Variants in PDE6H observed in about 807,000 individuals in gnomAD.
PDE6H encodes the protein phosphodiesterase 6H.
PDE6H carries 11 observed loss-of-function variants against 9.2 expected under a neutral mutation model. The ratio of observed to expected loss-of-function variants is 1.19; its 90% CI spans 0.75 to 1.97. PDE6H has a LOEUF of 1.97. Among genes scored for constraint, PDE6H ranks in the 30% most tolerant of loss-of-function variants. The pLI is 0.00. For synonymous variants in PDE6H, 36 were observed against 33.6 expected (o/e 1.07, Z -0.25); for missense variants, 98 against 101.5 (o/e 0.97, Z 0.15).
chr12:14,976,731 C>T (rs1315901459), intron 1 of PDE6H, among the ~76,000 whole-genome samples: 1 of 152,046 alleles, frequency 6.6e-6, no homozygotes, highest in Admixed American at 6.5e-5. Context: ...TAGCATAAAT[C>T]TGCAATGGGT....
At chr12:14,973,972 T>C (rs1339715191) in intron 1 of PDE6H, among the ~76,000 whole-genome samples, 2 of 152,202 alleles carry the variant, frequency 1.3e-5, no homozygotes, top group Non-Finnish European at 2.9e-5. Flanking sequence ...AATCTTTAAC[T>C]TTGTTAAGTT....
chr12:14,977,261 G>T (rs1376717064), intron 1 of PDE6H, among the ~76,000 whole-genome samples: 1 of 152,126 alleles, frequency 6.6e-6, no homozygotes, highest in Non-Finnish European at 1.5e-5. Flanking sequence ...TCATCTCCCA[G>T]AACTAAGAGA....
intron 1 of PDE6H, among the ~76,000 whole-genome samples, chr12:14,974,787 T>C (rs1864568098): frequency 6.6e-6 from 1 of 152,320 alleles, no homozygotes; most frequent in South Asian, 2.1e-4. Flanking sequence ...GCCCCTCTGG[T>C]GTATGGCAAG....
chr12:14,978,938 A>C (rs1331512372), intron 2 of PDE6H, among the ~76,000 whole-genome samples: 1 of 152,062 alleles, frequency 6.6e-6, no homozygotes, highest in African/African-American at 2.4e-5. Flanking sequence ...GTTCTTTCTG[A>C]CTCTTAATTG....
chr12:14,981,358 G>A, intron 3 of PDE6H, 42 bp from the exon 4 acceptor site: 1 of 1,206,970 alleles, frequency 8.3e-7, no homozygotes, highest in Non-Finnish European at 1.2e-6. Flanking sequence ...AAGCTCTCTT[G>A]GGGTGAGGTT....
chr12:14,975,463 C>A (rs2120819145), intron 1 of PDE6H, among the ~76,000 whole-genome samples: 1 of 151,858 alleles, frequency 6.6e-6, no homozygotes, highest in East Asian at 1.9e-4. Flanking sequence ...CCTTGAAAAT[C>A]CTGGGCAGTT....
chr12:14,975,903 C>T (rs1429591114), intron 1 of PDE6H, among the ~76,000 whole-genome samples: 2 of 148,638 alleles, frequency 1.3e-5, no homozygotes, highest in Non-Finnish European at 3.0e-5. Context: ...TCACTGCAAA[C>T]TCCACCTCCT....
chr12:14,980,472 A>G (rs1266454798), intron 3 of PDE6H, among the ~76,000 whole-genome samples: 1 of 152,204 alleles, frequency 6.6e-6, no homozygotes, highest in Admixed American at 6.5e-5. Flanking sequence ...TTTTCAACTC[A>G]TCCAACACAC....
chr12:14,975,810 TTG>T (rs1373616553), intron 1 of PDE6H, among the ~76,000 whole-genome samples: 2 of 128,968 alleles, frequency 1.6e-5, no homozygotes, highest in Non-Finnish European at 3.3e-5. Flanking sequence ...TCAATTTCTT[TTG>T]TTTTTTTTTT....
At chr12:14,977,840 C>T in intron 1 of PDE6H, 132 bp from the exon 2 acceptor site, 1 of 628,566 alleles carries the variant, frequency 1.6e-6, no homozygotes, top group African/African-American at 1.8e-5. Flanking sequence ...AACTTCTCCC[C>T]TTTTGTGTCA....
At chr12:14,978,242 A>T in intron 2 of PDE6H, 96 bp downstream of exon 2, 8 of 1,146,020 alleles carry the variant, frequency 7.0e-6, no homozygotes, top group Non-Finnish European at 1.0e-5. Context: ...TATTAAACAG[A>T]CTTACAAAAA....
At chr12:14,975,946 A>G (rs1283830804) in intron 1 of PDE6H, among the ~76,000 whole-genome samples, 1 of 150,154 alleles carries the variant, frequency 6.7e-6, no homozygotes, top group Non-Finnish European at 1.5e-5. Flanking sequence ...TCAGCCTCCC[A>G]AGTAGCTGGG....
rs1331116687 is a variant in PDE6H, at chr12:14,977,963, C to T, written c.-41-9C>T. ...AAGATCTTCTTTTTTTTATCTTTCACTGTCTAAGGAGGCTGAAAGGGAAAC... is the reference window on the plus strand; with the variant it reads ...AAGATCTTCTTTTTTTTATCTTTCATTGTCTAAGGAGGCTGAAAGGGAAAC... On this transcript the variant is annotated splice_polypyrimidine_tract_variant and intron_variant, in intron 1 of 3. Transcript: ENST00000266395. The T allele has an allele frequency of 6.3e-7, 1 of 1,578,596 alleles. No homozygotes were observed. Among genetic ancestry groups the T allele is most frequent in the Admixed American group, 1.7e-5 (1 of 58,306 alleles).
rs1350464839 is a variant in PDE6H at position 14,973,062 on chromosome 12, G to A, written c.-66G>A. ...CTTTTGCAAAGAAGGCAGCTGGGCA[G>A]CTGATAGGAACAACATTCAGCTCCG... On this transcript the variant is annotated 5_prime_UTR_variant, in exon 1 of 4. Transcript: ENST00000266395. The A allele has an allele frequency of 6.6e-6, 1 of 152,206 alleles. No homozygotes were observed. Among genetic ancestry groups the A allele is most frequent in the Non-Finnish European group, 1.5e-5 (1 of 68,052 alleles). The allele number at this position is 152,206 out of a possible 1,614,324, so 9.4% of individuals were successfully genotyped here.
At chr12:14,980,121 C>A (rs1302654739) in intron 3 of PDE6H, among the ~76,000 whole-genome samples, 1 of 152,198 alleles carries the variant, frequency 6.6e-6, no homozygotes, top group Non-Finnish European at 1.5e-5. Flanking sequence ...CTGCCCTATG[C>A]TCCACCCGGT....
At chr12:14,978,696 A>C (rs2120828475) in intron 2 of PDE6H, among the ~76,000 whole-genome samples, 1 of 152,250 alleles carries the variant, frequency 6.6e-6, no homozygotes, top group Non-Finnish European at 1.5e-5. Flanking sequence ...TATATCTTAT[A>C]TTTATTTATT....
chr12:14,977,886 T>C (rs1271367089), intron 1 of PDE6H, 86 bp from the exon 2 acceptor site: 1 of 913,544 alleles, frequency 1.1e-6, no homozygotes, highest in East Asian at 2.5e-5. Flanking sequence ...GAAGTACTTT[T>C]CTTCTCCAGC....
Position 14,977,954 on chromosome 12 carries a change from T to G in PDE6H, c.-41-18T>G. On this transcript the variant is annotated intron_variant, in intron 1 of 3. Coordinates refer to ENST00000266395, the MANE Select transcript of PDE6H (RefSeq NM_006205.3). Reference sequence around the variant, plus strand: ...ATGACTTGAAAGATCTTCTTTTTTTTATCTTTCACTGTCTAAGGAGGCTGA... The same window carrying G: ...ATGACTTGAAAGATCTTCTTTTTTTGATCTTTCACTGTCTAAGGAGGCTGA... 2.6e-6 allele frequency: 4 copies of G among 1,551,114 alleles called. No homozygotes were observed. The highest frequency in any genetic ancestry group is 3.5e-6 in the Non-Finnish European group (4 of 1,130,134).
At chr12:14,979,421 G>A (rs181455595) in intron 3 of PDE6H, among the ~76,000 whole-genome samples, 99 of 152,296 alleles carry the variant, frequency 6.5e-4, no homozygotes, top group African/African-American at 2.3e-3. Flanking sequence ...AGAAATCAGG[G>A]TAGGCCCAAA....
Sources: gnomAD v4.1 joint callset for allele counts (sites outside exome capture counted in the v4.1 genomes callset) on GRCh38, gnomAD v4.1.1 for gene constraint, MANE v1.5 for transcripts, NCBI Gene and HGNC (gene_info 2026-07-23, HGNC 2026-07-21) for gene names.